The following LRRC4C variants were observed in gnomAD, a reference collection of about 807,000 sequenced individuals.
LRRC4C encodes leucine rich repeat containing 4C.
LRRC4C carries 5 observed loss-of-function variants against 33.6 expected under a neutral mutation model. The observed-to-expected ratio is 0.15, with a 90% confidence interval of 0.08 to 0.31. The LOEUF (loss-of-function observed/expected upper bound fraction) is 0.31, where lower values mean the gene tolerates loss of function less well. Ranked by LOEUF, LRRC4C falls within the 10% of genes least tolerant of loss-of-function variation. The pLI is 1.00. For synonymous variants in LRRC4C, 329 were observed against 302.0 expected (o/e 1.09, Z -0.93); for missense variants, 560 against 796.7 (o/e 0.70, Z 3.58).
intron 3 of LRRC4C, among the ~76,000 whole-genome samples, chr11:40,409,961 T>G (rs1950096765): frequency 6.6e-6 from 1 of 152,082 alleles, no homozygotes; most frequent in Admixed American, 6.6e-5. Context: ...ACAATAAATA[T>G]CTACAATTTT....
chr11:41,186,531 T>C (rs988088758), intron 1 of LRRC4C, among the ~76,000 whole-genome samples: 35 of 152,212 alleles, frequency 2.3e-4, no homozygotes, highest in African/African-American at 8.2e-4. Flanking sequence ...TGTATCTTTA[T>C]CTTTAAAATT....
chr11:40,207,674 C>T (rs1321855623), intron 5 of LRRC4C, among the ~76,000 whole-genome samples: 1 of 152,098 alleles, frequency 6.6e-6, no homozygotes, highest in Admixed American at 6.6e-5. Flanking sequence ...TCCTTGCTTT[C>T]CTGAAACAGA....
intron 4 of LRRC4C, among the ~76,000 whole-genome samples, chr11:40,304,856 G>T (rs1944951992): frequency 6.6e-6 from 1 of 151,808 alleles, no homozygotes; most frequent in African/African-American, 2.4e-5. Flanking sequence ...TTTCACTCCA[G>T]TTCAGATCCT....
intron 1 of LRRC4C, among the ~76,000 whole-genome samples, chr11:41,339,144 A>C (rs934312760): frequency 6.6e-6 from 1 of 152,206 alleles, no homozygotes; most frequent in African/African-American, 2.4e-5. Flanking sequence ...GAAAGTATAG[A>C]AACTACTTCA....
intron 2 of LRRC4C, among the ~76,000 whole-genome samples, chr11:40,659,220 G>T (rs1943293692): frequency 6.6e-6 from 1 of 152,228 alleles, no homozygotes; most frequent in South Asian, 2.1e-4. Context: ...CATGCACTTG[G>T]AGCAGTGCTG....
intron 2 of LRRC4C, among the ~76,000 whole-genome samples, chr11:40,865,658 G>A (rs913246510): frequency 6.6e-6 from 1 of 151,414 alleles, no homozygotes. Flanking sequence ...CTCAACAGGT[G>A]GGTTATCTCT....
chr11:41,115,785 C>T (rs1372697650), intron 1 of LRRC4C, among the ~76,000 whole-genome samples: 2 of 152,076 alleles, frequency 1.3e-5, no homozygotes, highest in African/African-American at 2.4e-5. Flanking sequence ...TGTCAGTCTC[C>T]CGCAACTGGT....
chr11:40,323,477 T>C (rs546545790), intron 3 of LRRC4C, among the ~76,000 whole-genome samples: 1 of 152,304 alleles, frequency 6.6e-6, no homozygotes, highest in Admixed American at 6.5e-5. Context: ...ATAAACAGCT[T>C]CCAGACTTCA....
intron 3 of LRRC4C, among the ~76,000 whole-genome samples, chr11:40,590,007 G>C (rs1958961973): frequency 6.6e-6 from 1 of 151,702 alleles, no homozygotes; most frequent in South Asian, 2.1e-4. Context: ...TGTATTTCCT[G>C]AATCTGAATG....
intron 3 of LRRC4C, among the ~76,000 whole-genome samples, chr11:40,631,063 G>A (rs986044637): frequency 6.6e-6 from 1 of 152,186 alleles, no homozygotes; most frequent in Non-Finnish European, 1.5e-5. Flanking sequence ...GCTTCCTTTA[G>A]AGAATAGTGG....
intron 1 of LRRC4C, among the ~76,000 whole-genome samples, chr11:41,074,675 T>C (rs1484620755): frequency 6.6e-6 from 1 of 152,176 alleles, no homozygotes; most frequent in Non-Finnish European, 1.5e-5. Context: ...TTAAGTCTTT[T>C]CTGACTTACT....
chr11:41,323,596 A>G (rs1425953817), intron 1 of LRRC4C, among the ~76,000 whole-genome samples: 1 of 152,168 alleles, frequency 6.6e-6, no homozygotes, highest in African/African-American at 2.4e-5. Context: ...GATTTGCCGA[A>G]TGTTACTCAG....
chr11:40,143,615 C>T (rs1361610480), intron 5 of LRRC4C, among the ~76,000 whole-genome samples: 1 of 152,150 alleles, frequency 6.6e-6, no homozygotes, highest in African/African-American at 2.4e-5. Context: ...CATGCAAATA[C>T]CTGTATACTT....
At chr11:40,286,098 G>A (rs570607198) in intron 4 of LRRC4C, among the ~76,000 whole-genome samples, 5 of 152,128 alleles carry the variant, frequency 3.3e-5, no homozygotes, top group South Asian at 4.1e-4. Context: ...GATACATTCC[G>A]TGATCCCAAG....
At chr11:41,140,881 A>G (rs1943473336) in intron 1 of LRRC4C, among the ~76,000 whole-genome samples, 1 of 152,190 alleles carries the variant, frequency 6.6e-6, no homozygotes, top group African/African-American at 2.4e-5. Flanking sequence ...TTATATTACT[A>G]AGAAATTAAA....
chr11:40,674,151 T>A (rs1944271497), intron 2 of LRRC4C, among the ~76,000 whole-genome samples: 1 of 152,234 alleles, frequency 6.6e-6, no homozygotes, highest in African/African-American at 2.4e-5. Flanking sequence ...ACATAATATC[T>A]TTTAGAATAT....
intron 1 of LRRC4C, among the ~76,000 whole-genome samples, chr11:41,348,540 C>T (rs1224583772): frequency 6.6e-6 from 1 of 151,726 alleles, no homozygotes; most frequent in Non-Finnish European, 1.5e-5. Flanking sequence ...GTGTTGCCCT[C>T]GGGCGTGAAG....
chr11:40,341,743 C>T (rs921940193), intron 3 of LRRC4C, among the ~76,000 whole-genome samples: 1 of 149,342 alleles, frequency 6.7e-6, no homozygotes, highest in Non-Finnish European at 1.5e-5. Context: ...GTTCAAAAGA[C>T]AGAAAAAAAG....
intron 1 of LRRC4C, among the ~76,000 whole-genome samples, chr11:41,410,794 G>T (rs1339330427): frequency 6.6e-6 from 1 of 152,018 alleles, no homozygotes; most frequent in Non-Finnish European, 1.5e-5. Context: ...ATGATTAATA[G>T]AATTAGAATA....
Sources: allele counts gnomAD v4.1 joint callset (sites outside exome capture counted in the v4.1 genomes callset), GRCh38; gene constraint gnomAD v4.1.1; transcripts MANE v1.5; gene names NCBI Gene and HGNC (gene_info 2026-07-23, HGNC 2026-07-21).